Variants in RALGPS2 observed in about 807,000 individuals in gnomAD.
RALGPS2 encodes the protein Ral GEF with PH domain and SH3 binding motif 2.
In RALGPS2, 43 loss-of-function variants were observed where a neutral mutation model predicts 86.8. The ratio of observed to expected loss-of-function variants is 0.50; its 90% confidence interval spans 0.39 to 0.64. The LOEUF is 0.64. Among genes scored for constraint, RALGPS2 ranks in the 30% least tolerant of loss-of-function variants. The probability of loss-of-function intolerance (pLI) is 0.00; values close to 1 mark genes in which losing one functional copy is unlikely to be tolerated. For missense variants in RALGPS2, 536 were observed against 694.6 expected (o/e 0.77, Z 2.57); for synonymous variants, 243 against 231.3 (o/e 1.05, Z -0.46).
intron 7 of RALGPS2, among the ~76,000 whole-genome samples, chr1:178,826,682 C>T (rs553729373): frequency 3.3e-5 from 5 of 152,122 alleles, no homozygotes; most frequent in African/African-American, 7.2e-5. Context: ...TTGTATGTTA[C>T]GTATATATTT....
At chr1:178,753,771 A>C (rs1305340128) in intron 1 of RALGPS2, 1 of 152,182 alleles carries the variant, frequency 6.6e-6, no homozygotes, top group African/African-American at 2.4e-5. Flanking sequence ...CAGTACCTGC[A>C]TTAGAGTTGT....
At chr1:178,862,594 T>TTTAA (rs1200900199) in intron 8 of RALGPS2, among the ~76,000 whole-genome samples, 1 of 29,002 alleles carries the variant, frequency 3.4e-5, no homozygotes, top group South Asian at 9.8e-4. Flanking sequence ...TTGCATTTTT[T>TTTAA]TTATTTATTT....
In RALGPS2 at chr1:178,902,212, G is replaced by A; in HGVS notation, c.1630+1G>A. The A allele has an allele frequency of 6.2e-7, 1 of 1,607,530 alleles. No homozygotes were observed. The highest frequency in any genetic ancestry group is 8.5e-7 in the Non-Finnish European group (1 of 1,174,352). On this transcript the variant is annotated splice_donor_variant, in intron 18 of 19. Coordinates refer to ENST00000367635, the MANE Select transcript of RALGPS2 (RefSeq NM_152663.5). LOFTEE classifies it high-confidence loss of function. ...TTCCTGCTGACTGACTCTGAGAAAGGTGAATTGTTAGAATAACTGGGGCTT... is the reference window on the plus strand; with the variant it reads ...TTCCTGCTGACTGACTCTGAGAAAGATGAATTGTTAGAATAACTGGGGCTT...
Position 178,835,141 on chromosome 1 carries a change from G to A in RALGPS2, c.607+1591G>A, listed in dbSNP as rs1656211631. ...TACTTGCAAATATAATTTGAGGAGAGAAGGAATAGGGAATTTTTCAAAAAT... is the reference window on the plus strand; with the variant it reads ...TACTTGCAAATATAATTTGAGGAGAAAAGGAATAGGGAATTTTTCAAAAAT... On this transcript the variant is annotated intron_variant, in intron 8 of 19. Transcript: ENST00000367635. 3.3e-5 allele frequency among the ~76,000 whole-genome samples: 5 copies of A among 152,214 alleles called. No homozygotes were observed. In the South Asian group the frequency reaches 1.0e-3, roughly 32 times the overall value.
At chr1:178,757,717 G>A (rs1439186431) in intron 1 of RALGPS2, among the ~76,000 whole-genome samples, 2 of 152,018 alleles carry the variant, frequency 1.3e-5, no homozygotes, top group African/African-American at 2.4e-5. Flanking sequence ...AGATTTTTAC[G>A]TTTATGTTCA....
intron 1 of RALGPS2, among the ~76,000 whole-genome samples, chr1:178,770,757 G>A (rs544814900): frequency 3.3e-5 from 5 of 151,230 alleles, no homozygotes; most frequent in South Asian, 2.1e-4. Flanking sequence ...AATTACAGGC[G>A]TGAGGCACCG....
intron 19 of RALGPS2, among the ~76,000 whole-genome samples, chr1:178,908,884 T>C (rs371027218): frequency 2.0e-5 from 3 of 152,354 alleles, no homozygotes; most frequent in South Asian, 4.1e-4. Flanking sequence ...TGATAGTTTC[T>C]TTTGCTCTGC....
At chr1:178,811,149 C>T (rs771319768) in intron 5 of RALGPS2, among the ~76,000 whole-genome samples, 166 bp from the exon 6 acceptor site, 9 of 151,948 alleles carry the variant, frequency 5.9e-5, no homozygotes, top group Non-Finnish European at 1.0e-4. Context: ...TCTAAATAAA[C>T]AGTCATGTAG....
chr1:178,759,758 C>A (rs938296147), intron 1 of RALGPS2, among the ~76,000 whole-genome samples: 4 of 151,686 alleles, frequency 2.6e-5, no homozygotes, highest in African/African-American at 9.7e-5. Context: ...TCCTCAATTT[C>A]TTTCATCAGT....
At chr1:178,902,667 A>G (rs1660225571) in intron 18 of RALGPS2, among the ~76,000 whole-genome samples, 1 of 152,096 alleles carries the variant, frequency 6.6e-6, no homozygotes, top group South Asian at 2.1e-4. Context: ...TCCTTTAAAT[A>G]TTTATTCTAT....
At chr1:178,843,532 T>C (rs1436780407) in intron 8 of RALGPS2, among the ~76,000 whole-genome samples, 4 of 141,780 alleles carry the variant, frequency 2.8e-5, no homozygotes, top group Non-Finnish European at 6.1e-5. Flanking sequence ...AGGGATAGCA[T>C]TGGGAGATAT....
Position 178,920,874 on chromosome 1 carries a change from A to G in RALGPS2, c.*4515A>G, listed in dbSNP as rs1164431568. 7.2e-5 allele frequency: 11 copies of G among 152,048 alleles called. No individual in the cohort carries two copies. Among genetic ancestry groups the G allele is most frequent in the Admixed American group, 5.9e-4 (9 of 15,256 alleles). 9.4% of individuals were successfully genotyped at this position (152,048 alleles called of 1,614,324 possible). A position where few individuals can be genotyped will look rare whatever the true frequency, so the allele number is the denominator to read the frequency against. ...CCATTTATTTTTACATTTAAGTAAC[A>G]CTCAAAACAAACAAGTAGTCACTTA... On this transcript the variant is annotated 3_prime_UTR_variant, in exon 20 of 20. Coordinates refer to ENST00000367635, the MANE Select transcript of RALGPS2 (RefSeq NM_152663.5).
intron 1 of RALGPS2, among the ~76,000 whole-genome samples, chr1:178,774,288 AAGG>A (rs1652970925): frequency 1.3e-5 from 2 of 152,208 alleles, no homozygotes; most frequent in African/African-American, 2.4e-5. Context: ...AAAAAAATAA[AAGG>A]AGAGAAAATG....
chr1:178,734,011 A>G (rs1049382239), intron 1 of RALGPS2, among the ~76,000 whole-genome samples: 2 of 152,272 alleles, frequency 1.3e-5, no homozygotes, highest in Admixed American at 6.5e-5. Context: ...AAACACTCCT[A>G]TAACTCAATA....
intron 7 of RALGPS2, among the ~76,000 whole-genome samples, chr1:178,831,538 A>G (rs1429558125): frequency 1.3e-5 from 2 of 152,050 alleles, no homozygotes; most frequent in Non-Finnish European, 2.9e-5. Context: ...AATATCAATG[A>G]AAGTGTGAAG....
chr1:178,864,836 A>G (rs368480335), intron 8 of RALGPS2: 1 of 598,974 alleles, frequency 1.7e-6, no homozygotes, highest in South Asian at 8.8e-5. Context: ...AACAATAGAA[A>G]TTTTAATGTA....
At chr1:178,844,479 T>C (rs1246698145) in intron 8 of RALGPS2, among the ~76,000 whole-genome samples, 1 of 152,208 alleles carries the variant, frequency 6.6e-6, no homozygotes, top group Non-Finnish European at 1.5e-5. Flanking sequence ...TTTTCTCGGC[T>C]CTCAACTCAT....
intron 8 of RALGPS2, among the ~76,000 whole-genome samples, chr1:178,873,248 A>G (rs1301663613): frequency 1.3e-5 from 2 of 152,210 alleles, no homozygotes; most frequent in Non-Finnish European, 2.9e-5. Flanking sequence ...ACTAGATAAA[A>G]TTTAACTGAC....
At chr1:178,788,916 T>C (rs1473409039) in intron 4 of RALGPS2, among the ~76,000 whole-genome samples, 2 of 151,182 alleles carry the variant, frequency 1.3e-5, no homozygotes, top group African/African-American at 4.9e-5. Flanking sequence ...TCTTTTTTCT[T>C]TTTTTTTGAC....
Sources: allele counts gnomAD v4.1 joint callset (sites outside exome capture counted in the v4.1 genomes callset), GRCh38; gene constraint gnomAD v4.1.1; transcripts MANE v1.5; gene names NCBI Gene and HGNC (gene_info 2026-07-23, HGNC 2026-07-21).